Variants in AP3S2 observed in about 807,000 individuals in gnomAD.
AP3S2 encodes the protein AP-3 complex subunit sigma-2.
AP3S2 carries 22 observed loss-of-function variants against 23.4 expected under a neutral mutation model. The observed-to-expected ratio is 0.94, with a 90% CI of 0.67 to 1.34. The LOEUF (loss-of-function observed/expected upper bound fraction) is 1.34. Ranked by LOEUF, AP3S2 falls within the 40% of genes most tolerant of loss-of-function variation. AP3S2 has a pLI of 0.00. For synonymous variants in AP3S2, 86 were observed against 87.1 expected (o/e 0.99, Z 0.07); for missense variants, 241 against 236.9 (o/e 1.02, Z -0.11).
At chr15:89,884,264 C>A (rs2141897354) in intron 3 of AP3S2, among the ~76,000 whole-genome samples, 1 of 152,184 alleles carries the variant, frequency 6.6e-6, no homozygotes, top group East Asian at 1.9e-4. Context: ...CTATAATAGA[C>A]TATTAATTTT....
Position 89,835,663 on chromosome 15 carries a change from G to T in AP3S2, c.454-20C>A. 1.9e-6 allele frequency: 3 copies of T among 1,584,090 alleles called. No homozygotes were observed. Among genetic ancestry groups the T allele is most frequent in the South Asian group, 2.3e-5 (2 of 88,400 alleles). On this transcript the variant is annotated intron_variant, in intron 5 of 5. Transcript: ENST00000336418. ...GCCACCCTAAGAAGAAATGAGAGGC[G>T]AGTATGAGACAAATTCTCACTGTTA...
intron 4 of AP3S2, among the ~76,000 whole-genome samples, chr15:89,840,278 C>T (rs1895296124): frequency 6.6e-6 from 1 of 152,194 alleles, no homozygotes. Context: ...CCTGCACTTT[C>T]AGTATTTATT....
chr15:89,835,245 C>T lies in AP3S2; in HGVS notation c.*270G>A, dbSNP rs781659000. Reference sequence around the variant, plus strand: ...GCAAATGACTTGGGCATGTTGACTCCCTACTGAGGAAGGCAGGGCCCCTCA... The same window carrying T: ...GCAAATGACTTGGGCATGTTGACTCTCTACTGAGGAAGGCAGGGCCCCTCA... On this transcript the variant is annotated 3_prime_UTR_variant, in exon 6 of 6. Coordinates refer to ENST00000336418, the MANE Select transcript of AP3S2 (RefSeq NM_005829.5). The T allele has an allele frequency of 1.1e-4, 58 of 519,608 alleles. No individual in the cohort carries two copies. The highest frequency in any genetic ancestry group is 1.8e-4 in the Non-Finnish European group (55 of 301,330). The allele number at this position is 519,608 out of a possible 1,614,324, so 32.2% of individuals were successfully genotyped here. A position where few individuals can be genotyped will look rare whatever the true frequency, so the allele number is the denominator to read the frequency against.
Position 89,879,762 on chromosome 15 carries a change from C to A in AP3S2, c.274-8216G>T, listed in dbSNP as rs542087937. ...CTGGGACTACAGGCACCTGTCACCA[C>A]GCCTGGCTAATTTTTTTGCATTTTT... is the stretch of plus-strand genomic sequence containing the variant. On this transcript the variant is annotated intron_variant, in intron 3 of 5. Transcript: ENST00000336418. Among the ~76,000 whole-genome samples, 3 of 152,038 alleles carry A rather than the reference C, an allele frequency of 2.0e-5. No homozygotes were observed. In the East Asian group the frequency reaches 5.8e-4, roughly 30 times the overall value.
chr15:89,886,277 G>A (rs1203321657), intron 3 of AP3S2, among the ~76,000 whole-genome samples: 4 of 152,068 alleles, frequency 2.6e-5, no homozygotes, highest in South Asian at 2.1e-4. Context: ...CCAGGGAGTC[G>A]GAGGTTGTGG....
chr15:89,869,582 A>G (rs550409146), intron 4 of AP3S2, among the ~76,000 whole-genome samples: 14 of 151,062 alleles, frequency 9.3e-5, no homozygotes, highest in Middle Eastern at 3.4e-3. Flanking sequence ...AAAAAAAAAA[A>G]AAAAGAAAAC....
chr15:89,846,939 G>A (rs925278430), intron 4 of AP3S2, among the ~76,000 whole-genome samples: 3 of 152,120 alleles, frequency 2.0e-5, no homozygotes, highest in Non-Finnish European at 4.4e-5. Context: ...CCAAAGTGCT[G>A]GGATTACAGG....
intron 3 of AP3S2, among the ~76,000 whole-genome samples, chr15:89,884,468 C>A (rs549392051): frequency 2.6e-5 from 4 of 151,560 alleles, no homozygotes; most frequent in Non-Finnish European, 5.9e-5. Context: ...AAACAAAAAC[C>A]CTTAAGGCCA....
intron 4 of AP3S2, among the ~76,000 whole-genome samples, chr15:89,839,421 C>A (rs1404273271): frequency 6.6e-5 from 10 of 152,166 alleles, no homozygotes; most frequent in African/African-American, 1.4e-4. Context: ...ACGAGGTGTT[C>A]TTACATTTTA....
chr15:89,852,096 T>G (rs575898637), intron 4 of AP3S2, among the ~76,000 whole-genome samples: 107 of 152,322 alleles, frequency 7.0e-4, no homozygotes, highest in Non-Finnish European at 1.3e-3. Flanking sequence ...GTCCAGGATC[T>G]GAATGTGGCT....
chr15:89,887,764 A>G (rs1384698492), intron 3 of AP3S2, among the ~76,000 whole-genome samples: 1 of 152,154 alleles, frequency 6.6e-6, no homozygotes. Context: ...TCCACATCCC[A>G]GGTTCAAATA....
rs1038514634 is a variant in AP3S2, at chr15:89,832,033, G to A, written c.*3482C>T. Reference sequence around the variant, plus strand: ...CTCACAGAGACAACAGGAGCAGACAGAGCCTTGTTTCTCTCTTAATCTTCA... The same window carrying A: ...CTCACAGAGACAACAGGAGCAGACAAAGCCTTGTTTCTCTCTTAATCTTCA... On this transcript the variant is annotated 3_prime_UTR_variant, in exon 6 of 6. Coordinates refer to ENST00000336418, the MANE Select transcript of AP3S2 (RefSeq NM_005829.5). 1 of 152,234 alleles carries A rather than the reference G, an allele frequency of 6.6e-6. No individual in the cohort carries two copies. Among genetic ancestry groups the A allele is most frequent in the African/African-American group, 2.4e-5 (1 of 41,450 alleles). The allele number at this position is 152,234 out of a possible 1,614,324, so 9.4% of individuals were successfully genotyped here.
intron 3 of AP3S2, chr15:89,878,276 T>C: frequency 1.5e-6 from 1 of 663,398 alleles, no homozygotes; most frequent in South Asian, 1.7e-5. Context: ...TTGGGAGCTA[T>C]GAAGAAAACA....
chr15:89,840,833 CG>C (rs1320107088), intron 4 of AP3S2, among the ~76,000 whole-genome samples: 1 of 152,180 alleles, frequency 6.6e-6, no homozygotes, highest in Admixed American at 6.5e-5. Context: ...GTGCTGATTC[CG>C]GAGCTCATGT....
chr15:89,886,939 C>A (rs1305753730), intron 3 of AP3S2, among the ~76,000 whole-genome samples: 3 of 152,150 alleles, frequency 2.0e-5, no homozygotes, highest in Non-Finnish European at 4.4e-5. Context: ...GGAGTACAGG[C>A]ATATGCCACC....
In AP3S2 at chr15:89,835,395, A is replaced by C; in HGVS notation, c.*120T>G. ...GCCAAACAGTCTTCCCCAGACACAAAGTTTCCAGGTCCTGAGGCTTGACTC... is the reference window on the plus strand; with the variant it reads ...GCCAAACAGTCTTCCCCAGACACAACGTTTCCAGGTCCTGAGGCTTGACTC... On this transcript the variant is annotated 3_prime_UTR_variant, in exon 6 of 6. Coordinates refer to ENST00000336418, the MANE Select transcript of AP3S2 (RefSeq NM_005829.5). 1 of 1,508,698 alleles carries C rather than the reference A, an allele frequency of 6.6e-7. No homozygotes were observed. Among genetic ancestry groups the C allele is most frequent in the Non-Finnish European group, 8.9e-7 (1 of 1,123,754 alleles). The allele number at this position is 1,508,698 out of a possible 1,614,324, so 93.5% of individuals were successfully genotyped here. A position where few individuals can be genotyped will look rare whatever the true frequency, so the allele number is the denominator to read the frequency against.
intron 4 of AP3S2, among the ~76,000 whole-genome samples, chr15:89,841,841 T>A (rs1895336361): frequency 6.6e-6 from 1 of 152,038 alleles, no homozygotes; most frequent in Non-Finnish European, 1.5e-5. Context: ...CTAAACAGGA[T>A]CTATATAAAT....
chr15:89,838,820 G>C (rs1428791401), intron 4 of AP3S2, among the ~76,000 whole-genome samples: 2 of 152,184 alleles, frequency 1.3e-5, no homozygotes, highest in Non-Finnish European at 2.9e-5. Context: ...AAGAATTTCA[G>C]GTAGAAGATG....
chr15:89,869,626 C>A (rs562502724), intron 4 of AP3S2, among the ~76,000 whole-genome samples: 4 of 151,698 alleles, frequency 2.6e-5, no homozygotes, highest in Non-Finnish European at 4.4e-5. Context: ...TCCTTGAATC[C>A]CTGAATCTAC....
Sources: allele counts gnomAD v4.1 joint callset (sites outside exome capture counted in the v4.1 genomes callset), GRCh38; gene constraint gnomAD v4.1.1; transcripts MANE v1.5; gene names NCBI Gene and HGNC (gene_info 2026-07-23, HGNC 2026-07-21).